Variants in PEX7 observed in about 807,000 individuals in gnomAD.
PEX7 encodes peroxisomal biogenesis factor 7.
In PEX7, 34 loss-of-function variants were observed where a neutral mutation model predicts 47.5. The observed-to-expected ratio is 0.72, with a 90% CI of 0.54 to 0.95. PEX7 has a LOEUF of 0.95. PEX7 is among the 40% of genes least tolerant of loss of function. The pLI, the probability that PEX7 is intolerant of heterozygous loss-of-function variation, is 0.00. For synonymous variants in PEX7, 141 were observed against 148.8 expected, an observed-to-expected ratio of 0.95 and a Z score of 0.38; for missense variants, 394 against 400.3, an observed-to-expected ratio of 0.98 and a Z score of 0.13.
At chr6:136,858,456 T>A (rs1774901488) in intron 5 of PEX7, among the ~76,000 whole-genome samples, 1 of 152,216 alleles carries the variant, frequency 6.6e-6, no homozygotes, top group Non-Finnish European at 1.5e-5. Context: ...AGTAACATAC[T>A]AGTCCAGCGA....
intron 3 of PEX7, among the ~76,000 whole-genome samples, chr6:136,840,404 T>C (rs1162407265): frequency 6.6e-6 from 1 of 152,188 alleles, no homozygotes; most frequent in Non-Finnish European, 1.5e-5. Flanking sequence ...TTACTACATA[T>C]GTATGCATCC....
rs1198145941 is a variant in PEX7, at chr6:136,830,175, T to C, written c.339+3706T>C. On this transcript the variant is annotated intron_variant, in intron 3 of 9. Transcript: ENST00000318471. ...GAGACCTTGCGTATGTCACATATTT[T>C]TCCTAAACTTGAGTGTTTTTATTTG... 69 of 621,732 alleles carry C rather than the reference T, an allele frequency of 1.1e-4. No individual in the cohort carries two copies. In the East Asian group the frequency reaches 1.9e-3, roughly 17 times the overall value. 38.5% of individuals were successfully genotyped at this position (621,732 alleles called of 1,614,324 possible). A position where few individuals can be genotyped will look rare whatever the true frequency, so the allele number is the denominator to read the frequency against.
At chr6:136,830,183 CTTGAGTGTTT>C in intron 3 of PEX7, 1 of 613,400 alleles carries the variant, frequency 1.6e-6, no homozygotes, top group Non-Finnish European at 2.9e-6. Context: ...TTTTCCTAAA[CTTGAGTGTTT>C]TTATTTGCAA....
chr6:136,873,870 A>G, intron 8 of PEX7, among the ~76,000 whole-genome samples: 1 of 151,992 alleles, frequency 6.6e-6, no homozygotes, highest in East Asian at 1.9e-4. Context: ...TTTTTTTCCC[A>G]GCATTTATGG....
chr6:136,880,734 A>G (rs970916049), intron 8 of PEX7, among the ~76,000 whole-genome samples: 2 of 152,214 alleles, frequency 1.3e-5, no homozygotes, highest in African/African-American at 4.8e-5. Context: ...CTGAGTCCGT[A>G]TTAGATATGG....
chr6:136,913,593 C>T lies in PEX7; in HGVS notation c.*67C>T, dbSNP rs1188064076. On this transcript the variant is annotated 3_prime_UTR_variant, in exon 10 of 10. Coordinates refer to ENST00000318471, the MANE Select transcript of PEX7 (RefSeq NM_000288.4). ...AACTGCCTAACAGCAAATAAATTAA[C>T]TATGGAAAACATAGACATTATGCTT... 1.0e-6 allele frequency: 1 copy of T among 993,132 alleles called. No homozygotes were observed. The highest frequency in any genetic ancestry group is 1.6e-5 in the African/African-American group (1 of 62,882). The allele number at this position is 993,132 out of a possible 1,614,324, so 61.5% of individuals were successfully genotyped here. A position where few individuals can be genotyped will look rare whatever the true frequency, so the allele number is the denominator to read the frequency against.
In PEX7 at chr6:136,900,413, C is replaced by A; in HGVS notation, c.903+2172C>A. ...TTAGTGGCAGGTTCTTTAGCCTTTG[C>A]CTTTTCCAGCTTGGCAGTGTGAGCC... is the stretch of plus-strand genomic sequence containing the variant. On this transcript the variant is annotated intron_variant, in intron 9 of 9. Transcript: ENST00000318471. This position sits in a 1 kb window ranked among gnomAD's most constrained non-coding sequence, Gnocchi z 4.2. 1 of 397,358 alleles carries A rather than the reference C, an allele frequency of 2.5e-6. No homozygotes were observed. The highest frequency in any genetic ancestry group is 2.5e-5 in the Admixed American group (1 of 39,936). The allele number at this position is 397,358 out of a possible 1,614,324, so 24.6% of individuals were successfully genotyped here.
intron 5 of PEX7, among the ~76,000 whole-genome samples, chr6:136,850,891 C>G (rs976035141): frequency 7.7e-5 from 10 of 129,614 alleles, no homozygotes; most frequent in African/African-American, 2.6e-4. Context: ...AGTTGGCAAA[C>G]TACTGCCCTC....
intron 5 of PEX7, among the ~76,000 whole-genome samples, chr6:136,853,731 G>A (rs1035832573): frequency 6.6e-6 from 1 of 152,084 alleles, no homozygotes; most frequent in Non-Finnish European, 1.5e-5. Context: ...GCATGACTGA[G>A]GTGAAAGATT....
At chr6:136,871,464 A>G (rs991916790) in intron 7 of PEX7, among the ~76,000 whole-genome samples, 2 of 152,202 alleles carry the variant, frequency 1.3e-5, no homozygotes, top group African/African-American at 4.8e-5. Context: ...GCAATCATAT[A>G]TTTGTAAAAT....
At chr6:136,834,476 C>T (rs1175328508) in intron 3 of PEX7, among the ~76,000 whole-genome samples, 1 of 152,194 alleles carries the variant, frequency 6.6e-6, no homozygotes, top group African/African-American at 2.4e-5. Flanking sequence ...CTTGGCCTCC[C>T]AAAGTCCTGG....
At chr6:136,882,971 A>G (rs903323210) in intron 8 of PEX7, among the ~76,000 whole-genome samples, 22 of 152,140 alleles carry the variant, frequency 1.4e-4, no homozygotes, top group Non-Finnish European at 7.4e-5. Flanking sequence ...TAGAACCTAT[A>G]AAATGGATCT....
chr6:136,827,217 T>C (rs1200645991), intron 3 of PEX7, among the ~76,000 whole-genome samples: 1 of 152,208 alleles, frequency 6.6e-6, no homozygotes, highest in Non-Finnish European at 1.5e-5. Context: ...ATCAGTCTTT[T>C]GTGGTAAAGA....
intron 5 of PEX7, among the ~76,000 whole-genome samples, chr6:136,857,502 C>T (rs2115194869): frequency 6.6e-6 from 1 of 152,234 alleles, no homozygotes; most frequent in South Asian, 2.1e-4. Context: ...GCATATAGTC[C>T]AGTAGGAAAG....
intron 5 of PEX7, among the ~76,000 whole-genome samples, chr6:136,864,736 T>A (rs1345765645): frequency 6.6e-6 from 1 of 152,230 alleles, no homozygotes; most frequent in Middle Eastern, 3.2e-3. Flanking sequence ...TGGCAGTTTC[T>A]AGTATGTGTT....
intron 9 of PEX7, among the ~76,000 whole-genome samples, chr6:136,907,261 T>C (rs1775860872): frequency 6.6e-6 from 1 of 152,176 alleles, no homozygotes; most frequent in Non-Finnish European, 1.5e-5. Flanking sequence ...TAAATAGCTA[T>C]TCAATGAATT....
chr6:136,827,034 A>C (rs1049200912), intron 3 of PEX7, among the ~76,000 whole-genome samples: 1 of 152,346 alleles, frequency 6.6e-6, no homozygotes, highest in Non-Finnish European at 1.5e-5. Context: ...GTATATTTTC[A>C]GTGAACATAA....
At chr6:136,838,825 A>T (rs1362013143) in intron 3 of PEX7, among the ~76,000 whole-genome samples, 1 of 152,164 alleles carries the variant, frequency 6.6e-6, no homozygotes, top group East Asian at 1.9e-4. Context: ...CTGGGGGTTT[A>T]TTATACTATT....
At chr6:136,847,147 G>T (rs1170820981) in intron 5 of PEX7, among the ~76,000 whole-genome samples, 4 of 152,186 alleles carry the variant, frequency 2.6e-5, no homozygotes, top group Non-Finnish European at 5.9e-5. Context: ...CTTCTTTTGA[G>T]AAGTGTCTGT....
Sources: gnomAD v4.1 joint callset for allele counts (sites outside exome capture counted in the v4.1 genomes callset) on GRCh38, gnomAD v4.1.1 for gene constraint, Gnocchi (gnomAD v3.1) non-coding constraint, MANE v1.5 for transcripts, NCBI Gene and HGNC (gene_info 2026-07-23, HGNC 2026-07-21) for gene names.